The following DYNC1I1 variants were observed in gnomAD, a reference collection of about 807,000 sequenced individuals.
The protein encoded by DYNC1I1 is dynein cytoplasmic 1 intermediate chain 1.
In DYNC1I1, 43 loss-of-function variants were observed where a neutral mutation model predicts 86.6. The ratio of observed to expected loss-of-function variants is 0.50; its 90% CI spans 0.39 to 0.64. The LOEUF (loss-of-function observed/expected upper bound fraction) is 0.64, where lower values mean the gene tolerates loss of function less well. Ranked by LOEUF, DYNC1I1 falls within the 30% of genes least tolerant of loss-of-function variation. The pLI, the probability that DYNC1I1 is intolerant of heterozygous loss-of-function variation, is 0.00. For synonymous variants in DYNC1I1, 262 were observed against 283.7 expected (o/e 0.92, Z 0.77); for missense variants, 604 against 788.8 (o/e 0.77, Z 2.81).
At chr7:96,052,572 C>G (rs1461129216) in intron 14 of DYNC1I1, among the ~76,000 whole-genome samples, 2 of 152,108 alleles carry the variant, frequency 1.3e-5, no homozygotes, top group Non-Finnish European at 2.9e-5. Context: ...GATGTTAAAA[C>G]CATGCTAAGT....
At chr7:95,970,459 A>G (rs1175694005) in intron 6 of DYNC1I1, among the ~76,000 whole-genome samples, 2 of 152,210 alleles carry the variant, frequency 1.3e-5, no homozygotes, top group Admixed American at 6.5e-5. Context: ...CCAGAGAGAT[A>G]TATCCGAATC....
downstream of DYNC1I1, among the ~76,000 whole-genome samples, chr7:96,101,172 C>T (rs777227665): frequency 2.0e-5 from 3 of 152,154 alleles, no homozygotes; most frequent in Non-Finnish European, 4.4e-5. Flanking sequence ...GCCAAGAAGG[C>T]TTTACCCATA....
intron 14 of DYNC1I1, among the ~76,000 whole-genome samples, chr7:96,046,656 A>G (rs1381825633): frequency 6.6e-6 from 1 of 152,198 alleles, no homozygotes; most frequent in Non-Finnish European, 1.5e-5. Flanking sequence ...TGGTTTGGTC[A>G]TCCAGGTGAG....
chr7:95,833,395 A>G (rs903151357), intron 5 of DYNC1I1, among the ~76,000 whole-genome samples: 28 of 150,032 alleles, frequency 1.9e-4, no homozygotes, highest in African/African-American at 6.1e-4. Flanking sequence ...GTTTGAAGTC[A>G]GGTAGTGTGA....
chr7:95,941,570 A>G (rs1792221615), intron 6 of DYNC1I1, among the ~76,000 whole-genome samples: 1 of 152,198 alleles, frequency 6.6e-6, no homozygotes, highest in African/African-American at 2.4e-5. Flanking sequence ...TGTGCTAGCA[A>G]TCAGTGAGAT....
At chr7:95,954,313 T>G (rs1018183884) in intron 6 of DYNC1I1, among the ~76,000 whole-genome samples, 9 of 151,272 alleles carry the variant, frequency 5.9e-5, no homozygotes, top group Admixed American at 2.0e-4. Context: ...TAAAGACAAT[T>G]AAGGTCAAAT....
chr7:95,815,089 G>A (rs2115853755), intron 4 of DYNC1I1, among the ~76,000 whole-genome samples: 1 of 152,194 alleles, frequency 6.6e-6, no homozygotes, highest in South Asian at 2.1e-4. Context: ...GCAGTTGGCA[G>A]CATTCAATTC....
At chr7:96,050,170 A>G (rs893514732) in intron 14 of DYNC1I1, among the ~76,000 whole-genome samples, 17 of 152,204 alleles carry the variant, frequency 1.1e-4, no homozygotes, top group Non-Finnish European at 1.5e-5. Context: ...CATGTCTAAC[A>G]TAATAATAAA....
At chr7:95,897,070 G>T (rs1257235276) in intron 6 of DYNC1I1, among the ~76,000 whole-genome samples, 1 of 152,170 alleles carries the variant, frequency 6.6e-6, no homozygotes, top group Non-Finnish European at 1.5e-5. Context: ...AGAAAGGAGG[G>T]ATATGCCAGG....
At chr7:96,086,229 A>G (rs1396074610) in intron 16 of DYNC1I1, among the ~76,000 whole-genome samples, 1 of 152,214 alleles carries the variant, frequency 6.6e-6, no homozygotes, top group African/African-American at 2.4e-5. Flanking sequence ...TTTGCTGCTT[A>G]TCTGAATTAG....
chr7:95,989,540 C>A (rs1048014563), intron 9 of DYNC1I1, among the ~76,000 whole-genome samples: 5 of 152,206 alleles, frequency 3.3e-5, no homozygotes, highest in Admixed American at 6.5e-5. Flanking sequence ...TCAAAGGCAA[C>A]TACAACCTTG....
intron 6 of DYNC1I1, among the ~76,000 whole-genome samples, chr7:95,955,159 T>C (rs1288242282): frequency 6.6e-6 from 1 of 152,148 alleles, no homozygotes; most frequent in African/African-American, 2.4e-5. Flanking sequence ...TTGATAAGTA[T>C]GTGAGGTGAT....
At chr7:96,028,352 GCCGCCAGGC>G (rs1794731993) in intron 11 of DYNC1I1, 31 bp downstream of exon 11, 2 of 1,573,374 alleles carry the variant, frequency 1.3e-6, no homozygotes, top group African/African-American at 2.7e-5. Flanking sequence ...ATCCCTGTGA[GCCGCCAGGC>G]CCTGAAAGAG....
chr7:95,877,226 T>A (rs2116204252), intron 6 of DYNC1I1, among the ~76,000 whole-genome samples: 1 of 152,212 alleles, frequency 6.6e-6, no homozygotes, highest in South Asian at 2.1e-4. Context: ...CAAGTGTGAG[T>A]ACAAGGTGGG....
intron 3 of DYNC1I1, among the ~76,000 whole-genome samples, chr7:95,812,132 C>T (rs1376739714): frequency 1.3e-5 from 2 of 152,090 alleles, no homozygotes; most frequent in Admixed American, 6.6e-5. Flanking sequence ...CATGAAAATT[C>T]CTAGCTTCTC....
intron 10 of DYNC1I1, among the ~76,000 whole-genome samples, chr7:96,012,352 TTTC>T (rs1171439792): frequency 3.9e-5 from 6 of 152,204 alleles, no homozygotes; most frequent in Non-Finnish European, 5.9e-5. Flanking sequence ...ATTACCATCC[TTTC>T]TTTTTTGTTG....
At chr7:96,066,091 A>G (rs1014269081) in intron 14 of DYNC1I1, among the ~76,000 whole-genome samples, 6 of 152,212 alleles carry the variant, frequency 3.9e-5, no homozygotes, top group Non-Finnish European at 7.4e-5. Context: ...ACCCAAACCA[A>G]AATTATTTTG....
At chr7:95,847,118 C>T (rs1789453195) in intron 5 of DYNC1I1, among the ~76,000 whole-genome samples, 1 of 152,226 alleles carries the variant, frequency 6.6e-6, no homozygotes, top group Non-Finnish European at 1.5e-5. Flanking sequence ...TTTCTTCCTA[C>T]ATGGTGTGAA....
At chr7:95,880,845 C>T (rs1007247514) in intron 6 of DYNC1I1, among the ~76,000 whole-genome samples, 1 of 151,858 alleles carries the variant, frequency 6.6e-6, no homozygotes, top group African/African-American at 2.4e-5. Context: ...GGGGTTTCAC[C>T]ATATTGGCCA....
Sources: allele counts gnomAD v4.1 joint callset (sites outside exome capture counted in the v4.1 genomes callset), GRCh38; gene constraint gnomAD v4.1.1; transcripts MANE v1.5; gene names NCBI Gene and HGNC (gene_info 2026-07-23, HGNC 2026-07-21).